The following COL11A1 variants were observed in gnomAD, a reference collection of about 807,000 sequenced individuals.
COL11A1 encodes collagen alpha-1(XI) chain.
A neutral mutation model predicts 265.2 loss-of-function variants in COL11A1; 74 were observed. The ratio of observed to expected loss-of-function variants is 0.28; its 90% CI spans 0.23 to 0.34. The LOEUF is 0.34. Ranked by LOEUF, COL11A1 falls within the 10% of genes least tolerant of loss-of-function variation. The probability of loss-of-function intolerance (pLI) is 1.00; values close to 1 mark genes in which losing one functional copy is unlikely to be tolerated. For synonymous variants in COL11A1, 816 were observed against 727.6 expected, an observed-to-expected ratio of 1.12 and a Z score of -1.96; for missense variants, 2,165 against 2,263.6, an observed-to-expected ratio of 0.96 and a Z score of 0.88.
At chr1:103,026,072 C>G in intron 6 of COL11A1, 144 bp downstream of exon 6, 1 of 1,231,014 alleles carries the variant, frequency 8.1e-7, no homozygotes, top group Non-Finnish European at 1.2e-6. Context: ...AAAACGGCTA[C>G]TGTCAAATAA....
chr1:103,031,331 A>G, intron 4 of COL11A1, 87 bp from the exon 5 acceptor site: 2 of 1,452,802 alleles, frequency 1.4e-6, no homozygotes, highest in Non-Finnish European at 1.9e-6. Context: ...GATGTGGTTT[A>G]TTTTTAAATA....
chr1:102,888,445 G>T (rs376069976), intron 62 of COL11A1, 132 bp downstream of exon 62: 49 of 791,384 alleles, frequency 6.2e-5, no homozygotes, highest in East Asian at 4.2e-4. Flanking sequence ...TTACTTAAAT[G>T]ATATAATGTT....
At position 103,026,612 on chromosome 1, in the gene COL11A1, T is replaced by C. The variant is rs551516731; in HGVS notation, c.781-280A>G. ...ATAATTCAAACTCTTAATTATGGAATGTTAATTGAAACACAGTAATTATGT... is the reference window on the plus strand; with the variant it reads ...ATAATTCAAACTCTTAATTATGGAACGTTAATTGAAACACAGTAATTATGT... On this transcript the variant is annotated intron_variant, in intron 5 of 66. Coordinates refer to ENST00000370096, the MANE Select transcript of COL11A1 (RefSeq NM_001854.4). Among the ~76,000 whole-genome samples the C allele has an allele frequency of 6.0e-5, 9 of 150,094 alleles. No individual in the cohort carries two copies. The South Asian group carries it at 1.9e-3, about 31-fold the overall frequency.
chr1:102,938,795 C>A (rs1038219937), intron 44 of COL11A1, among the ~76,000 whole-genome samples: 2 of 152,072 alleles, frequency 1.3e-5, no homozygotes, highest in African/African-American at 4.8e-5. Context: ...GTTACTCTTT[C>A]ATGTGCTATA....
In COL11A1 at chr1:102,995,963, A is replaced by T. The variant is rs200011343; in HGVS notation, c.2295+26T>A. 10 of 1,612,608 alleles carry T rather than the reference A, an allele frequency of 6.2e-6. No individual in the cohort carries two copies. In the Admixed American group the frequency reaches 1.7e-4, roughly 27 times the overall value. ...ATATAACATTTCACTTTGAAAGTAA[A>T]TAATGTGAAAACAATTTAACGTTAC... On this transcript the variant is annotated intron_variant, in intron 27 of 66. Transcript: ENST00000370096.
At chr1:103,033,771 G>A (rs544900928) in intron 4 of COL11A1, among the ~76,000 whole-genome samples, 1 of 152,160 alleles carries the variant, frequency 6.6e-6, no homozygotes, top group Non-Finnish European at 1.5e-5. Flanking sequence ...CTTTATTAGT[G>A]AACATTCTTT....
At chr1:103,084,944 T>G (rs1254104632) in intron 1 of COL11A1, among the ~76,000 whole-genome samples, 1 of 152,146 alleles carries the variant, frequency 6.6e-6, no homozygotes. Flanking sequence ...TACTGAACAT[T>G]GAACTAAATG....
At chr1:103,019,652 T>A (rs547711443) in intron 9 of COL11A1, among the ~76,000 whole-genome samples, 2 of 151,898 alleles carry the variant, frequency 1.3e-5, no homozygotes, top group Non-Finnish European at 2.9e-5. Context: ...GTTAGTTACA[T>A]ATGTATACAT....
chr1:103,071,467 C>CTTTTTT (rs869263393), intron 4 of COL11A1, among the ~76,000 whole-genome samples: 5 of 49,892 alleles, frequency 1.0e-4, no homozygotes, highest in East Asian at 1.2e-3. Context: ...GTTGGTAGGA[C>CTTTTTT]TTTTTTTTTT....
intron 37 of COL11A1, among the ~76,000 whole-genome samples, chr1:102,967,044 T>C (rs1260361347): frequency 2.0e-5 from 3 of 152,056 alleles, no homozygotes; most frequent in Non-Finnish European, 4.4e-5. Context: ...TCAGTTATTT[T>C]ATCTGAATGT....
intron 4 of COL11A1, 141 bp from the exon 5 acceptor site, chr1:103,031,385 G>C (rs970237535): frequency 1.7e-4 from 174 of 1,034,788 alleles, no homozygotes; most frequent in Non-Finnish European, 2.2e-4. Flanking sequence ...ATGTTAAGAA[G>C]AGTCTTATAG....
At chr1:103,002,173 T>C (rs2101829025) in intron 23 of COL11A1, among the ~76,000 whole-genome samples, 1 of 152,254 alleles carries the variant, frequency 6.6e-6, no homozygotes, top group South Asian at 2.1e-4. Context: ...TGCGATCCTA[T>C]TCAGAACCCT....
At chr1:102,959,563 T>G (rs547799111) in intron 41 of COL11A1, among the ~76,000 whole-genome samples, 1 of 152,312 alleles carries the variant, frequency 6.6e-6, no homozygotes, top group South Asian at 2.1e-4. Flanking sequence ...ACCAACCAAC[T>G]TACAGTGCTA....
At chr1:103,016,189 T>C (rs1666554201) in intron 11 of COL11A1, among the ~76,000 whole-genome samples, 1 of 152,068 alleles carries the variant, frequency 6.6e-6, no homozygotes, top group Non-Finnish European at 1.5e-5. Flanking sequence ...GTATTTATTT[T>C]GTAGAATACT....
chr1:102,878,168 G>A lies in COL11A1; in HGVS notation c.5275-3C>T, dbSNP rs755371727. 2 of 1,606,202 alleles carry A rather than the reference G, an allele frequency of 1.2e-6. No homozygotes were observed. Among genetic ancestry groups the A allele is most frequent in the Admixed American group, 1.7e-5 (1 of 59,516 alleles). On this transcript the variant is annotated splice_region_variant and splice_polypyrimidine_tract_variant and intron_variant, in intron 66 of 66. Transcript: ENST00000370096. ...GTCTTTTCATAGCCTTTTCTGGACT[G>A]TAAAATAAAGCAGAAATAAAAAGTT... is the stretch of plus-strand genomic sequence containing the variant.
At position 102,940,430 on chromosome 1, in the gene COL11A1, T is replaced by A. The variant is rs1260695073; in HGVS notation, c.3281A>T (p.Glu1094Val). The change falls in exon 43 of 67, where the codon GAA becomes GTA. Residue 1094 changes from glutamate to valine, a missense_variant. Glu to Val is a moderately radical substitution (Grantham distance 121). Transcript: ENST00000370096. The stretch of plus-strand genomic sequence containing the variant: ...CCCTGCAGGCCCTTGGGGACCTTTT[T>A]CTCCCTGTATTGAATATCCAAAGAT... ...GPAGEKGAPG[E>V]KGPQGPAGRD... The A allele has an allele frequency of 6.8e-6, 11 of 1,611,690 alleles. No homozygotes were observed. The highest frequency in any genetic ancestry group is 8.5e-6 in the Non-Finnish European group (10 of 1,178,056).
intron 62 of COL11A1, among the ~76,000 whole-genome samples, chr1:102,887,601 C>A (rs899963558): frequency 2.0e-5 from 3 of 152,044 alleles, no homozygotes; most frequent in Non-Finnish European, 4.4e-5. Flanking sequence ...ATTTACATTA[C>A]GAGCAGAGCT....
At chr1:102,931,212 T>G (rs931513985) in intron 46 of COL11A1, among the ~76,000 whole-genome samples, 1 of 150,304 alleles carries the variant, frequency 6.7e-6, no homozygotes, top group Non-Finnish European at 1.5e-5. Flanking sequence ...TCTTTCCTGC[T>G]TTCTCTTGTG....
chr1:102,907,155 C>G (rs368816532), intron 54 of COL11A1, among the ~76,000 whole-genome samples: 2 of 152,032 alleles, frequency 1.3e-5, no homozygotes, highest in Non-Finnish European at 2.9e-5. Context: ...GTAAGCAATG[C>G]ATAGTCACCA....
Sources: gnomAD v4.1 joint callset for allele counts (sites outside exome capture counted in the v4.1 genomes callset) on GRCh38, gnomAD v4.1.1 for gene constraint, MANE v1.5 for transcripts, NCBI Gene and HGNC (gene_info 2026-07-23, HGNC 2026-07-21) for gene names.